SH2B3: variants seen among roughly 807,000 people sequenced by gnomAD.
The protein encoded by SH2B3 is SH2B adaptor protein 3.
Under a neutral mutation model 51.9 loss-of-function variants are expected in SH2B3, and 43 were observed. That is an observed-to-expected ratio of 0.83 (90% CI 0.65 to 1.07). The LOEUF (loss-of-function observed/expected upper bound fraction) is 1.07. SH2B3 is among the 50% of genes least tolerant of loss of function. The pLI is 0.00. For synonymous variants in SH2B3, 396 were observed against 376.0 expected (o/e 1.05, Z -0.62); for missense variants, 952 against 834.3 (o/e 1.14, Z -1.74).
Position 111,434,854 on chromosome 12 carries a change from C to A in SH2B3, c.733-11899C>A, listed in dbSNP as rs1394051364. Reference sequence around the variant, plus strand: ...ATGGTAAACGTTCAGTAAACAGGAGCTAAAATGATAGTAATGAGAGTCCGT... The same window carrying A: ...ATGGTAAACGTTCAGTAAACAGGAGATAAAATGATAGTAATGAGAGTCCGT... On this transcript the variant is annotated intron_variant, in intron 2 of 7. Coordinates refer to ENST00000341259, the MANE Select transcript of SH2B3 (RefSeq NM_005475.3). The A allele has an allele frequency of 3.3e-6, 5 of 1,533,584 alleles. No homozygotes were observed. In the Admixed American group the frequency reaches 7.9e-5, roughly 24 times the overall value. The allele number at this position is 1,533,584 out of a possible 1,614,324, so 95.0% of individuals were successfully genotyped here.
Position 111,418,714 on chromosome 12 carries a change from AGCC to A in SH2B3, c.573_575del (p.Pro193del). ...TTCCTGCCCTGGAGCCTGGCCCGGGAGCCGCCACCCGAGGCGCTGAAGGAGGCG... is the reference window on the plus strand; with the variant it reads ...TTCCTGCCCTGGAGCCTGGCCCGGGAGCCACCCGAGGCGCTGAAGGAGGCG... On this transcript the variant is annotated inframe_deletion, in exon 2 of 8. Transcript: ENST00000341259. The surrounding 1 kb of genome is among the most constrained non-coding windows in gnomAD (Gnocchi z 6.7). 6.7e-7 allele frequency: 1 copy of A among 1,485,312 alleles called. No homozygotes were observed. Among genetic ancestry groups the A allele is most frequent in the Non-Finnish European group, 8.9e-7 (1 of 1,125,282 alleles). The allele number at this position is 1,485,312 out of a possible 1,614,324, so 92.0% of individuals were successfully genotyped here. A position where few individuals can be genotyped will look rare whatever the true frequency, so the allele number is the denominator to read the frequency against.
Position 111,418,899 on chromosome 12 carries a change from G to A in SH2B3, c.732+22G>A. 1.4e-6 allele frequency: 2 copies of A among 1,389,034 alleles called. No homozygotes were observed. Among genetic ancestry groups the A allele is most frequent in the Non-Finnish European group, 1.8e-6 (2 of 1,083,564 alleles). The allele number at this position is 1,389,034 out of a possible 1,614,324, so 86.0% of individuals were successfully genotyped here. A position where few individuals can be genotyped will look rare whatever the true frequency, so the allele number is the denominator to read the frequency against. ...CAAGGTAAGTAAGCCCTGCCCGCGG[G>A]GTTGCGCACTGCACTGCGCCCTTCG... On this transcript the variant is annotated intron_variant, in intron 2 of 7. Transcript: ENST00000341259. The surrounding 1 kb of genome is among the most constrained non-coding windows in gnomAD (Gnocchi z 6.7).
intron 2 of SH2B3, among the ~76,000 whole-genome samples, chr12:111,437,021 C>G (rs1320126762): frequency 1.3e-5 from 2 of 152,026 alleles, no homozygotes; most frequent in African/African-American, 4.8e-5. Context: ...GGGGATCTGA[C>G]TCTGAACAGG....
intron 1 of SH2B3, among the ~76,000 whole-genome samples, chr12:111,411,440 T>C (rs1870687926): frequency 6.6e-6 from 1 of 152,016 alleles, no homozygotes; most frequent in Middle Eastern, 3.4e-3. Flanking sequence ...GTGGGCCTGA[T>C]CATTAAAAGG....
intron 1 of SH2B3, among the ~76,000 whole-genome samples, chr12:111,411,172 C>T (rs1870665536): frequency 6.7e-6 from 1 of 150,322 alleles, no homozygotes; most frequent in South Asian, 2.1e-4. Flanking sequence ...TTGAAACCAG[C>T]CTGGGCAGCA....
At position 111,435,876 on chromosome 12, in the gene SH2B3, C is replaced by T. The variant is rs1021504252; in HGVS notation, c.733-10877C>T. On this transcript the variant is annotated intron_variant, in intron 2 of 7. Transcript: ENST00000341259. This position sits in a 1 kb window ranked among gnomAD's most constrained non-coding sequence, Gnocchi z 4.8. The stretch of plus-strand genomic sequence containing the variant: ...GCAGGAAGGATTCCTATGGGGACAG[C>T]TGGGAGCAGGATGTGGTCGTGCGAG... 2.6e-5 allele frequency among the ~76,000 whole-genome samples: 4 copies of T among 152,320 alleles called. No homozygotes were observed. The highest frequency in any genetic ancestry group is 5.9e-5 in the Non-Finnish European group (4 of 68,016).
In SH2B3 at chr12:111,418,045, G is replaced by A. The variant is rs913377368; in HGVS notation, c.-27-74G>A. On this transcript the variant is annotated intron_variant, in intron 1 of 7. Transcript: ENST00000341259. This position sits in a 1 kb window ranked among gnomAD's most constrained non-coding sequence, Gnocchi z 6.7. ...GCGTTGGATTTCTGCTGTGGTGCCC[G>A]GTGTGTAATGGGGCCTACACCTGCT... The A allele has an allele frequency of 8.1e-6, 9 of 1,115,822 alleles. No homozygotes were observed. Among genetic ancestry groups the A allele is most frequent in the Admixed American group, 2.8e-5 (1 of 35,260 alleles). The allele number at this position is 1,115,822 out of a possible 1,614,324, so 69.1% of individuals were successfully genotyped here.
chr12:111,445,308 C>G (rs1399661460), intron 2 of SH2B3, among the ~76,000 whole-genome samples: 1 of 152,194 alleles, frequency 6.6e-6, no homozygotes, highest in Non-Finnish European at 1.5e-5. Context: ...AGTGGCCACT[C>G]GCACCTTACC....
At position 111,409,133 on chromosome 12, in the gene SH2B3, C is replaced by T. The variant is rs1172730590; in HGVS notation, c.-28+2856C>T. Among the ~76,000 whole-genome samples the T allele has an allele frequency of 6.6e-6, 1 of 152,244 alleles. No homozygotes were observed. Among genetic ancestry groups the T allele is most frequent in the South Asian group, 2.1e-4 (1 of 4,826 alleles). On this transcript the variant is annotated intron_variant, in intron 1 of 7. Transcript: ENST00000341259. The surrounding 1 kb of genome is among the most constrained non-coding windows in gnomAD (Gnocchi z 4.0). ...GCCCGATGGAAGCCAAGAGTTCCAG[C>T]CTCCCCAGGGTTGGGTGTGTGAAGT...
intron 2 of SH2B3, among the ~76,000 whole-genome samples, chr12:111,440,503 G>A (rs1387624865): frequency 6.6e-6 from 1 of 152,178 alleles, no homozygotes; most frequent in Non-Finnish European, 1.5e-5. Context: ...ACTGCTGGTG[G>A]GCCACCCAGG....
rs1872250492 is a variant in SH2B3, at chr12:111,429,051, G to GGAA, written c.732+10176_732+10177insAGA. Among the ~76,000 whole-genome samples the GGAA allele has an allele frequency of 6.9e-6, 1 of 145,904 alleles. No homozygotes were observed. Among genetic ancestry groups the GGAA allele is most frequent in the Non-Finnish European group, 1.5e-5 (1 of 65,632 alleles). On this transcript the variant is annotated intron_variant, in intron 2 of 7. Coordinates refer to ENST00000341259, the MANE Select transcript of SH2B3 (RefSeq NM_005475.3). The surrounding 1 kb of genome is among the most constrained non-coding windows in gnomAD (Gnocchi z 4.4). ...AGGAGGAGGAGGAGGAGGAGGAAGA[G>GGAA]GAGGAGGAGGAGGAGGAGGGACGGC... is the stretch of plus-strand genomic sequence containing the variant.
intron 2 of SH2B3, among the ~76,000 whole-genome samples, chr12:111,442,914 C>T (rs1271339283): frequency 6.6e-6 from 1 of 152,236 alleles, no homozygotes; most frequent in Non-Finnish European, 1.5e-5. Flanking sequence ...TGCTGGATGC[C>T]TGAGGGCAAA....
Position 111,418,670 on chromosome 12 carries a change from G to C in SH2B3, c.525G>C (p.Arg175=). The C allele has an allele frequency of 6.7e-7, 1 of 1,488,330 alleles. No homozygotes were observed. Among genetic ancestry groups the C allele is most frequent in the Non-Finnish European group, 8.9e-7 (1 of 1,127,552 alleles). 92.2% of individuals were successfully genotyped at this position (1,488,330 alleles called of 1,614,324 possible). A position where few individuals can be genotyped will look rare whatever the true frequency, so the allele number is the denominator to read the frequency against. Residue 175 remains arginine, a synonymous_variant, in exon 2 of 8, where the codon CGG becomes CGC. Transcript: ENST00000341259. This position sits in a 1 kb window ranked among gnomAD's most constrained non-coding sequence, Gnocchi z 6.7. The part of the protein sequence containing the change: ...TPGEAAETPA[R]PGLAKKFLPW... The stretch of plus-strand genomic sequence containing the variant: ...GAGAGGCTGCTGAGACCCCCGCCCG[G>C]CCTGGCCTGGCCAAGAAGTTCCTGC...
At chr12:111,424,975 C>T (rs1424306133) in intron 2 of SH2B3, among the ~76,000 whole-genome samples, 3 of 152,182 alleles carry the variant, frequency 2.0e-5, no homozygotes. Context: ...ATCCCAGTGC[C>T]AGCCTGGTGG....
Position 111,418,189 on chromosome 12 carries a change from C to T in SH2B3, c.44C>T (p.Pro15Leu), listed in dbSNP as rs758110085. Reference protein sequence around the residue: ...ALQPSSPSSAPSASPAAAPRG... With the variant: ...ALQPSSPSSALSASPAAAPRG... The stretch of plus-strand genomic sequence containing the variant: ...CAGCCCTCCTCGCCCTCTTCCGCGC[C>T]CTCAGCCTCCCCGGCGGCGGCCCCG... The change falls in exon 2 of 8, where the codon CCC (proline) becomes CTC (leucine). Residue 15 changes from proline (P) to leucine (L), a missense_variant. Physicochemically the swap from Pro to Leu is moderately conservative, Grantham distance 98. Transcript: ENST00000341259. This position sits in a 1 kb window ranked among gnomAD's most constrained non-coding sequence, Gnocchi z 6.7. 1.3e-6 allele frequency: 2 copies of T among 1,570,122 alleles called. No homozygotes were observed. The highest frequency in any genetic ancestry group is 2.3e-5 in the South Asian group (2 of 86,330).
At chr12:111,430,455 G>A (rs1261413569) in intron 2 of SH2B3, among the ~76,000 whole-genome samples, 3 of 152,120 alleles carry the variant, frequency 2.0e-5, no homozygotes, top group East Asian at 1.9e-4. Flanking sequence ...TCCCCACCCC[G>A]TCCTGCTTAC....
chr12:111,446,854 G>A lies in SH2B3; in HGVS notation c.834G>A (p.Lys278=). The A allele has an allele frequency of 4.4e-6, 7 of 1,606,096 alleles. No individual in the cohort carries two copies. The highest frequency in any genetic ancestry group is 5.1e-6 in the Non-Finnish European group (6 of 1,174,032). Residue 278 remains lysine (K), a splice_region_variant and synonymous_variant, in exon 3 of 8, where the codon AAG becomes AAA. Coordinates refer to ENST00000341259, the MANE Select transcript of SH2B3 (RefSeq NM_005475.3). ...ACAACCTTTACACCTTTGTGCTGAA[G>A]GTGAGTGACAAGGCTTTTCACACCC... ...MPDNLYTFVL[K]VKDRTDIIFE...
rs142309871 is a variant in SH2B3 at position 111,435,902 on chromosome 12, G to A, written c.733-10851G>A. On this transcript the variant is annotated intron_variant, in intron 2 of 7. Coordinates refer to ENST00000341259, the MANE Select transcript of SH2B3 (RefSeq NM_005475.3). The surrounding 1 kb of genome is among the most constrained non-coding windows in gnomAD (Gnocchi z 4.8). Reference sequence around the variant, plus strand: ...TGGGAGCAGGATGTGGTCGTGCGAGGCGTGGGCTGACGGCAGCTGGCATGC... The same window carrying A: ...TGGGAGCAGGATGTGGTCGTGCGAGACGTGGGCTGACGGCAGCTGGCATGC... Among the ~76,000 whole-genome samples, 5 of 152,218 alleles carry A rather than the reference G, an allele frequency of 3.3e-5. No individual in the cohort carries two copies. The highest frequency in any genetic ancestry group is 9.6e-5 in the African/African-American group (4 of 41,454).
chr12:111,405,728 G>T (rs943838180), upstream of SH2B3, among the ~76,000 whole-genome samples: 1 of 152,190 alleles, frequency 6.6e-6, no homozygotes, highest in Non-Finnish European at 1.5e-5. The surrounding 1 kb of genome is among the most constrained non-coding windows in gnomAD (Gnocchi z 5.4). Flanking sequence ...AGAGCCCTCC[G>T]ACCCTGGCAG....
Sources: gnomAD v4.1 joint callset for allele counts (sites outside exome capture counted in the v4.1 genomes callset) on GRCh38, gnomAD v4.1.1 for gene constraint, Gnocchi (gnomAD v3.1) non-coding constraint, MANE v1.5 for transcripts, NCBI Gene and HGNC (gene_info 2026-07-23, HGNC 2026-07-21) for gene names.